Variants in ZFHX3 observed in about 807,000 individuals in gnomAD.
The protein encoded by ZFHX3 is zinc finger homeobox protein 3.
Under a neutral mutation model 279.1 loss-of-function variants are expected in ZFHX3, and 42 were observed. The observed-to-expected ratio is 0.15, with a 90% CI of 0.12 to 0.19. The LOEUF is 0.19. Ranked by LOEUF, ZFHX3 falls within the 10% of genes least tolerant of loss-of-function variation. The pLI is 1.00. For missense variants in ZFHX3, 4,981 were observed against 4,754.0 expected, an observed-to-expected ratio of 1.05 and a Z score of -1.40; for synonymous variants, 2,293 against 1,957.8, an observed-to-expected ratio of 1.17 and a Z score of -4.52.
rs1307758016 is a variant in ZFHX3, at chr16:72,811,575, A to G, written c.3864+2T>C. ...ACAGGGTGCTGCTCCTGGCTGCCTT[A>G]CCGTCATAATGAGCTTCTCCACGCA... is the stretch of plus-strand genomic sequence containing the variant. On this transcript the variant is annotated splice_donor_variant, in intron 7 of 9. Coordinates refer to ENST00000268489, the MANE Select transcript of ZFHX3 (RefSeq NM_006885.4). LOFTEE classifies it high-confidence loss of function. 6.3e-7 allele frequency: 1 copy of G among 1,580,868 alleles called. No individual in the cohort carries two copies. The highest frequency in any genetic ancestry group is 8.6e-7 in the Non-Finnish European group (1 of 1,159,774).
chr16:73,746,386 T>A (rs964031650), intron 1 of ZFHX3, among the ~76,000 whole-genome samples: 3 of 152,184 alleles, frequency 2.0e-5, no homozygotes, highest in African/African-American at 7.2e-5. Context: ...CTCTTTCTTA[T>A]ATACGGAACA....
chr16:73,464,543 C>A (rs1402689485), intron 2 of ZFHX3, among the ~76,000 whole-genome samples: 4 of 129,790 alleles, frequency 3.1e-5, no homozygotes, highest in Non-Finnish European at 6.2e-5. Context: ...AGCTTCCAAT[C>A]GGTTCTTTCT....
At chr16:73,156,129 G>A (rs1248752935) in intron 5 of ZFHX3, among the ~76,000 whole-genome samples, 1 of 151,098 alleles carries the variant, frequency 6.6e-6, no homozygotes, top group Non-Finnish European at 1.5e-5. Flanking sequence ...CTACTTGGGA[G>A]GCTGAGGCAA....
At chr16:73,642,076 G>A (rs914789524) in intron 2 of ZFHX3, among the ~76,000 whole-genome samples, 2 of 152,172 alleles carry the variant, frequency 1.3e-5, no homozygotes, top group Non-Finnish European at 2.9e-5. Context: ...GCTGCTTAAA[G>A]AGGGAAGGTG....
intron 3 of ZFHX3, among the ~76,000 whole-genome samples, chr16:73,375,255 T>G (rs2016703020): frequency 6.6e-6 from 1 of 152,214 alleles, no homozygotes; most frequent in South Asian, 2.1e-4. Flanking sequence ...GGTAGTTATT[T>G]TTGATAATCA....
chr16:73,318,733 G>A (rs1026270163), intron 3 of ZFHX3, among the ~76,000 whole-genome samples: 1 of 152,110 alleles, frequency 6.6e-6, no homozygotes, highest in African/African-American at 2.4e-5. Context: ...GCTTCGCGGT[G>A]TCATTAGTAA....
At chr16:73,639,225 T>G (rs558697928) in intron 2 of ZFHX3, among the ~76,000 whole-genome samples, 2 of 152,296 alleles carry the variant, frequency 1.3e-5, no homozygotes, top group East Asian at 3.9e-4. Context: ...ACAGCAGCAT[T>G]TGCTGCTGTG....
intron 2 of ZFHX3, among the ~76,000 whole-genome samples, chr16:73,574,312 C>T (rs1021639363): frequency 2.0e-5 from 3 of 151,374 alleles, no homozygotes; most frequent in African/African-American, 7.3e-5. Flanking sequence ...TCCATTGTAA[C>T]GGACCCGGGT....
chr16:73,130,866 C>T (rs1966666690), intron 7 of ZFHX3: 17 of 1,041,096 alleles, frequency 1.6e-5, no homozygotes, highest in Non-Finnish European at 1.7e-5. Context: ...CCTCGGCCTC[C>T]CAAAGTGCTG....
chr16:73,088,144 T>C (rs201444245), intron 8 of ZFHX3, among the ~76,000 whole-genome samples: 235 of 4,294 alleles, frequency 0.055, 8 homozygotes, highest in East Asian at 0.52. Flanking sequence ...TTCATTTCAT[T>C]TTTTTTTTTC....
chr16:73,256,933 A>G (rs902701600), intron 5 of ZFHX3: 1 of 152,072 alleles, frequency 6.6e-6, no homozygotes. Flanking sequence ...TCTAAATTAT[A>G]ATATAATTAT....
At chr16:73,539,291 T>C (rs2019966926) in intron 2 of ZFHX3, among the ~76,000 whole-genome samples, 1 of 151,892 alleles carries the variant, frequency 6.6e-6, no homozygotes, top group Admixed American at 6.6e-5. Context: ...AGAATTCGAT[T>C]CCACATTGTT....
chr16:73,617,559 A>G (rs1490589750), intron 2 of ZFHX3, among the ~76,000 whole-genome samples: 2 of 152,248 alleles, frequency 1.3e-5, no homozygotes, highest in East Asian at 1.9e-4. Flanking sequence ...AATTTACTTA[A>G]CAGATATTTC....
chr16:73,262,629 G>T (rs2013857222), intron 4 of ZFHX3, among the ~76,000 whole-genome samples: 1 of 152,176 alleles, frequency 6.6e-6, no homozygotes, highest in Non-Finnish European at 1.5e-5. Flanking sequence ...ACCAGAAGCA[G>T]ATTTGGCCCT....
intron 1 of ZFHX3, among the ~76,000 whole-genome samples, chr16:73,682,908 G>A (rs796254766): frequency 0.013 from 535 of 41,694 alleles, 61 homozygotes; most frequent in African/African-American, 0.031. Context: ...GAAAGAAAGA[G>A]AAAGAAAGAG....
At chr16:73,862,611 CAA>C (rs1446086178) in intron 1 of ZFHX3, among the ~76,000 whole-genome samples, 1 of 151,854 alleles carries the variant, frequency 6.6e-6, no homozygotes, top group Non-Finnish European at 1.5e-5. Flanking sequence ...CCCATCTCCA[CAA>C]AAAAATTTTA....
chr16:72,884,430 GGTCTA>G (rs2038572363), intron 4 of ZFHX3, among the ~76,000 whole-genome samples: 1 of 152,188 alleles, frequency 6.6e-6, no homozygotes, highest in Non-Finnish European at 1.5e-5. Flanking sequence ...TGCCTGAGCT[GGTCTA>G]GTCATCAGTG....
chr16:73,501,527 G>A (rs2019238597), intron 2 of ZFHX3, among the ~76,000 whole-genome samples: 1 of 152,040 alleles, frequency 6.6e-6, no homozygotes, highest in Non-Finnish European at 1.5e-5. Context: ...ATGATTTATG[G>A]GTCACCGTCA....
At chr16:73,270,677 T>C (rs2014118681) in intron 4 of ZFHX3, among the ~76,000 whole-genome samples, 2 of 152,174 alleles carry the variant, frequency 1.3e-5, no homozygotes, top group Admixed American at 1.3e-4. Flanking sequence ...ATTCATGGTA[T>C]ATGGAGGTCA....
Sources: allele counts gnomAD v4.1 joint callset (sites outside exome capture counted in the v4.1 genomes callset), GRCh38; gene constraint gnomAD v4.1.1; transcripts MANE v1.5; gene names NCBI Gene and HGNC (gene_info 2026-07-23, HGNC 2026-07-21).